HCN1: variants seen among roughly 807,000 people sequenced by gnomAD.
HCN1 encodes the protein potassium/sodium hyperpolarization-activated cyclic nucleotide-gated channel 1.
HCN1 carries 13 observed loss-of-function variants against 78.9 expected under a neutral mutation model. The ratio of observed to expected loss-of-function variants is 0.16; its 90% CI spans 0.11 to 0.26. The LOEUF (loss-of-function observed/expected upper bound fraction) is 0.26, where lower values mean the gene tolerates loss of function less well. Ranked by LOEUF, HCN1 falls within the 10% of genes least tolerant of loss-of-function variation. The pLI, the probability that HCN1 is intolerant of heterozygous loss-of-function variation, is 1.00. For synonymous variants in HCN1, 552 were observed against 455.5 expected (o/e 1.21, Z -2.70); for missense variants, 810 against 1,154.3 (o/e 0.70, Z 4.32).
At chr5:45,372,207 T>TTA (rs371155580) in intron 4 of HCN1, among the ~76,000 whole-genome samples, 17,149 of 71,250 alleles carry the variant, frequency 0.24, 3,196 homozygotes, top group African/African-American at 0.53. Flanking sequence ...ATAATACATA[T>TTA]TATATAATAT....
In HCN1 at chr5:45,396,349, A is replaced by C. The variant is rs1739686415; in HGVS notation, c.1230+143T>G. 5.6e-6 allele frequency: 4 copies of C among 718,240 alleles called. No individual in the cohort carries two copies. In the East Asian group the frequency reaches 1.1e-4, roughly 19 times the overall value. 44.5% of individuals were successfully genotyped at this position (718,240 alleles called of 1,614,324 possible). A position where few individuals can be genotyped will look rare whatever the true frequency, so the allele number is the denominator to read the frequency against. ...ATCTTGAAGAAACCTCAAAATATCAAAGAAGATAGTGTGTTTTTACTTTAA... is the reference window on the plus strand; with the variant it reads ...ATCTTGAAGAAACCTCAAAATATCACAGAAGATAGTGTGTTTTTACTTTAA... On this transcript the variant is annotated intron_variant, in intron 4 of 7. Transcript: ENST00000303230.
At position 45,258,577 on chromosome 5, in the gene HCN1, C is replaced by T. The variant is rs1213709914; in HGVS notation, c.*3344G>A. The T allele has an allele frequency of 6.6e-6, 1 of 152,030 alleles. No individual in the cohort carries two copies. Among genetic ancestry groups the T allele is most frequent in the Admixed American group, 6.6e-5 (1 of 15,256 alleles). The allele number at this position is 152,030 out of a possible 1,614,324, so 9.4% of individuals were successfully genotyped here. A position where few individuals can be genotyped will look rare whatever the true frequency, so the allele number is the denominator to read the frequency against. On this transcript the variant is annotated 3_prime_UTR_variant, in exon 8 of 8. Coordinates refer to ENST00000303230, the MANE Select transcript of HCN1 (RefSeq NM_021072.4). The stretch of plus-strand genomic sequence containing the variant: ...ATTCTCATTATGATAAACTCTATCT[C>T]AGGCTTTTAGGTATCATTTAAAACC...
At chr5:45,612,254 T>C (rs1744852827) in intron 2 of HCN1, among the ~76,000 whole-genome samples, 3 of 152,202 alleles carry the variant, frequency 2.0e-5, no homozygotes, top group Non-Finnish European at 4.4e-5. Context: ...CAGAAAATCA[T>C]CTTTGATTTT....
intron 5 of HCN1, among the ~76,000 whole-genome samples, chr5:45,351,065 C>A: frequency 6.6e-6 from 1 of 152,056 alleles, no homozygotes; most frequent in Non-Finnish European, 1.5e-5. Context: ...CCCGCATCAC[C>A]AAGTCAATCC....
intron 3 of HCN1, among the ~76,000 whole-genome samples, chr5:45,444,790 T>TTTTC (rs1303210531): frequency 6.6e-6 from 1 of 151,408 alleles, no homozygotes; most frequent in African/African-American, 2.4e-5. Flanking sequence ...CTTTTTTTCT[T>TTTTC]TTTCTTTCTT....
intron 2 of HCN1, among the ~76,000 whole-genome samples, chr5:45,463,172 T>C (rs1226610219): frequency 6.6e-6 from 1 of 151,872 alleles, no homozygotes; most frequent in Non-Finnish European, 1.5e-5. Context: ...CCAAAAAAAA[T>C]ACATTTGGTT....
intron 4 of HCN1, among the ~76,000 whole-genome samples, chr5:45,371,214 A>T (rs959576797): frequency 2.0e-5 from 3 of 152,046 alleles, no homozygotes; most frequent in Admixed American, 2.0e-4. Context: ...TCACAACTAG[A>T]GGAATTAGAG....
chr5:45,467,855 G>A (rs866436360), intron 2 of HCN1, among the ~76,000 whole-genome samples: 1 of 152,038 alleles, frequency 6.6e-6, no homozygotes, highest in African/African-American at 2.4e-5. Context: ...AATTGAAAAA[G>A]AATCTTCACT....
At chr5:45,459,363 G>A (rs1741095035) in intron 3 of HCN1, among the ~76,000 whole-genome samples, 1 of 135,812 alleles carries the variant, frequency 7.4e-6, no homozygotes. Flanking sequence ...ATAAACACAA[G>A]AGAAAATAAA....
chr5:45,526,829 G>T (rs1742745175), intron 2 of HCN1, among the ~76,000 whole-genome samples: 1 of 151,928 alleles, frequency 6.6e-6, no homozygotes, highest in Non-Finnish European at 1.5e-5. Flanking sequence ...TCTGTTCTGA[G>T]CCAAGCTACC....
At chr5:45,497,209 C>G (rs1342164573) in intron 2 of HCN1, among the ~76,000 whole-genome samples, 1 of 152,066 alleles carries the variant, frequency 6.6e-6, no homozygotes, top group Non-Finnish European at 1.5e-5. Context: ...CTGTAGATGT[C>G]TATTAGGTCC....
chr5:45,566,694 C>A (rs1438547223), intron 2 of HCN1, among the ~76,000 whole-genome samples: 1 of 152,104 alleles, frequency 6.6e-6, no homozygotes, highest in East Asian at 1.9e-4. Context: ...ATAAAAGACT[C>A]CCTTGACTAC....
At chr5:45,299,522 G>T (rs923950736) in intron 6 of HCN1, among the ~76,000 whole-genome samples, 1 of 151,730 alleles carries the variant, frequency 6.6e-6, no homozygotes, top group Admixed American at 6.6e-5. Context: ...AATTATATGA[G>T]AAAATATAGT....
intron 2 of HCN1, among the ~76,000 whole-genome samples, chr5:45,505,901 A>T (rs1355263147): frequency 1.3e-5 from 2 of 152,176 alleles, no homozygotes; most frequent in Non-Finnish European, 2.9e-5. Flanking sequence ...AATAAGGAAC[A>T]TTAGCTAATC....
chr5:45,275,278 A>T (rs1272213083), intron 6 of HCN1, among the ~76,000 whole-genome samples: 5 of 152,066 alleles, frequency 3.3e-5, no homozygotes, highest in African/African-American at 1.2e-4. Context: ...AAGTGAATCA[A>T]TCAATAACTG....
intron 2 of HCN1, among the ~76,000 whole-genome samples, chr5:45,613,183 T>G (rs1309183329): frequency 8.2e-6 from 1 of 121,362 alleles, no homozygotes; most frequent in African/African-American, 3.2e-5. Context: ...GTCCCCAGAG[T>G]GTGATATTCC....
chr5:45,352,764 G>A (rs1746937190), intron 5 of HCN1, among the ~76,000 whole-genome samples: 1 of 151,866 alleles, frequency 6.6e-6, no homozygotes, highest in African/African-American at 2.4e-5. Flanking sequence ...AAGTGAAGAT[G>A]GGAGGAAGAA....
intron 1 of HCN1, among the ~76,000 whole-genome samples, chr5:45,651,840 G>A (rs1745682328): frequency 2.0e-5 from 3 of 151,916 alleles, no homozygotes. Flanking sequence ...GGGTGGGAAG[G>A]AAATATATTT....
At chr5:45,459,678 C>A (rs1257668182) in intron 3 of HCN1, among the ~76,000 whole-genome samples, 1 of 151,948 alleles carries the variant, frequency 6.6e-6, no homozygotes, top group Non-Finnish European at 1.5e-5. Flanking sequence ...ATAGACATCC[C>A]AAAATAGTTA....
Sources: allele counts gnomAD v4.1 joint callset (sites outside exome capture counted in the v4.1 genomes callset), GRCh38; gene constraint gnomAD v4.1.1; transcripts MANE v1.5; gene names NCBI Gene and HGNC (gene_info 2026-07-23, HGNC 2026-07-21).